The following PGBD5 variants were observed in gnomAD, a reference collection of about 807,000 sequenced individuals.
PGBD5 encodes the protein piggyBac transposable element-derived protein 5.
A neutral mutation model predicts 47.9 loss-of-function variants in PGBD5; 14 were observed. The ratio of observed to expected loss-of-function variants is 0.29; its 90% CI spans 0.19 to 0.46. The LOEUF (loss-of-function observed/expected upper bound fraction) is 0.46. Among genes scored for constraint, PGBD5 ranks in the 20% least tolerant of loss-of-function variants. The probability of loss-of-function intolerance (pLI) is 1.00; values close to 1 mark genes in which losing one functional copy is unlikely to be tolerated. For missense variants in PGBD5, 635 were observed against 716.0 expected, an observed-to-expected ratio of 0.89 and a Z score of 1.29; for synonymous variants, 316 against 306.3, an observed-to-expected ratio of 1.03 and a Z score of -0.33.
chr1:230,342,014 G>C (rs1667413731), intron 3 of PGBD5, among the ~76,000 whole-genome samples: 1 of 152,110 alleles, frequency 6.6e-6, no homozygotes, highest in East Asian at 1.9e-4. Context: ...CAACAAAAAG[G>C]ATCTTAGGAA....
chr1:230,337,344 C>T, intron 3 of PGBD5, 56 bp from the exon 4 acceptor site: 1 of 1,480,120 alleles, frequency 6.8e-7, no homozygotes, highest in Admixed American at 2.0e-5. Flanking sequence ...GGCTGGGAGC[C>T]CGAGTATTCA....
intron 1 of PGBD5, among the ~76,000 whole-genome samples, chr1:230,384,101 T>C (rs1405489087): frequency 6.6e-6 from 1 of 152,130 alleles, no homozygotes; most frequent in Non-Finnish European, 1.5e-5. Flanking sequence ...CCTGATTTCT[T>C]TGGGGGAATA....
At position 230,317,253 on chromosome 1, in the gene PGBD5, C is replaced by T. The variant is rs995812548; in HGVS notation, c.*6172G>A. On this transcript the variant is annotated 3_prime_UTR_variant, in exon 7 of 7. Coordinates refer to ENST00000391860, the MANE Select transcript of PGBD5 (RefSeq NM_001258311.2). ...TCTTAGCACAATGCCTGGCCTGTAG[C>T]AGTTCAGAAGCAGCAGTGGCTGAGA... is the stretch of plus-strand genomic sequence containing the variant. 9.2e-5 allele frequency: 14 copies of T among 152,486 alleles called. No individual in the cohort carries two copies. The highest frequency in any genetic ancestry group is 3.1e-4 in the African/African-American group (13 of 41,582). The allele number at this position is 152,486 out of a possible 1,614,324, so 9.4% of individuals were successfully genotyped here.
At chr1:230,416,934 C>T (rs771461722) in intron 1 of PGBD5, among the ~76,000 whole-genome samples, 3 of 152,156 alleles carry the variant, frequency 2.0e-5, no homozygotes, top group Non-Finnish European at 4.4e-5. Context: ...GAAAGCCCCA[C>T]CAGCCTGGCC....
At chr1:230,324,483 T>TGGGA (rs1342361573) in intron 6 of PGBD5, among the ~76,000 whole-genome samples, 1 of 152,042 alleles carries the variant, frequency 6.6e-6, no homozygotes, top group Non-Finnish European at 1.5e-5. Context: ...CCCCAAGGAG[T>TGGGA]GGGACTACCT....
At chr1:230,364,808 G>A (rs952527018) in intron 1 of PGBD5, among the ~76,000 whole-genome samples, 14 of 151,778 alleles carry the variant, frequency 9.2e-5, no homozygotes, top group African/African-American at 3.4e-4. Flanking sequence ...ATCACCTGAG[G>A]TCAGGAGTTC....
intron 1 of PGBD5, among the ~76,000 whole-genome samples, chr1:230,369,694 A>G (rs956481268): frequency 1.3e-5 from 2 of 152,164 alleles, no homozygotes; most frequent in Non-Finnish European, 1.5e-5. Context: ...GGAAGGGTCC[A>G]TGGGCAGGAT....
At chr1:230,342,502 G>A (rs1375682620) in intron 3 of PGBD5, among the ~76,000 whole-genome samples, 1 of 152,232 alleles carries the variant, frequency 6.6e-6, no homozygotes, top group Non-Finnish European at 1.5e-5. Context: ...GACGCAGAAT[G>A]AGATCACGGG....
In PGBD5 at chr1:230,357,381, C is replaced by T. The variant is rs1398586096; in HGVS notation, c.332-60G>A. 56 of 1,547,380 alleles carry T rather than the reference C, an allele frequency of 3.6e-5. No individual in the cohort carries two copies. The East Asian group carries it at 4.5e-4, about 13-fold the overall frequency. ...ACGGCCGCCACACCCTGACTCGACA[C>T]GAGAACGGCTGCATTTCCAATCCCT... On this transcript the variant is annotated intron_variant, in intron 1 of 6. Transcript: ENST00000391860. The surrounding 1 kb of genome is among the most constrained non-coding windows in gnomAD (Gnocchi z 5.7).
intron 3 of PGBD5, among the ~76,000 whole-genome samples, chr1:230,346,572 G>T (rs1667475610): frequency 6.6e-6 from 1 of 152,172 alleles, no homozygotes. Context: ...CATATCGCAA[G>T]ATTTCCTGAG....
rs1558192883 is a variant in PGBD5, at chr1:230,335,856, T to TGCGC, written c.1075+1251_1075+1252insGCGC. Among the ~76,000 whole-genome samples the TGCGC allele has an allele frequency of 2.1e-5, 2 of 96,376 alleles. 1 individual carries two copies. The highest frequency in any genetic ancestry group is 8.0e-5 in the African/African-American group (2 of 24,936). 63.2% of individuals were successfully genotyped at this position (96,376 alleles called of 152,430 possible). ...ACACATACACACACAGACACACAGATACACACACAGATGCATACACGGACA... is the reference window on the plus strand; with the variant it reads ...ACACATACACACACAGACACACAGATGCGCACACACACAGATGCATACACGGACA... On this transcript the variant is annotated intron_variant, in intron 4 of 6. Coordinates refer to ENST00000391860, the MANE Select transcript of PGBD5 (RefSeq NM_001258311.2).
chr1:230,315,786 GTATA>G lies in PGBD5; in HGVS notation c.*7635_*7638del, dbSNP rs1362492378. ...ATATATTATAGATGTATGCATATATGTATATATGTATACATATATGTATATGTGC... is the reference window on the plus strand; with the variant it reads ...ATATATTATAGATGTATGCATATATGTATGTATACATATATGTATATGTGC... On this transcript the variant is annotated 3_prime_UTR_variant, in exon 7 of 7. Coordinates refer to ENST00000391860, the MANE Select transcript of PGBD5 (RefSeq NM_001258311.2). 1.4e-5 allele frequency: 2 copies of G among 142,758 alleles called. No homozygotes were observed. Among genetic ancestry groups the G allele is most frequent in the Admixed American group, 1.4e-4 (2 of 13,876 alleles). The allele number at this position is 142,758 out of a possible 1,614,324, so 8.8% of individuals were successfully genotyped here.
At position 230,315,379 on chromosome 1, in the gene PGBD5, T is replaced by C. The variant is rs999718806; in HGVS notation, c.*8046A>G. On this transcript the variant is annotated 3_prime_UTR_variant, in exon 7 of 7. Coordinates refer to ENST00000391860, the MANE Select transcript of PGBD5 (RefSeq NM_001258311.2). ...TGGGATATGCACCCGGCGGTCCCCATTCAGCCCCGGGAGCCACTCGGATCA... is the reference window on the plus strand; with the variant it reads ...TGGGATATGCACCCGGCGGTCCCCACTCAGCCCCGGGAGCCACTCGGATCA... 3 of 138,748 alleles carry C rather than the reference T, an allele frequency of 2.2e-5. 1 individual carries two copies. Among genetic ancestry groups the C allele is most frequent in the Admixed American group, 1.4e-4 (2 of 14,490 alleles). The allele number at this position is 138,748 out of a possible 1,614,324, so 8.6% of individuals were successfully genotyped here. A position where few individuals can be genotyped will look rare whatever the true frequency, so the allele number is the denominator to read the frequency against.
At chr1:230,372,037 G>A (rs766732261) in intron 1 of PGBD5, among the ~76,000 whole-genome samples, 6 of 152,178 alleles carry the variant, frequency 3.9e-5, no homozygotes, top group Admixed American at 2.0e-4. Flanking sequence ...TCAGTGGCCC[G>A]TATCATCTAA....
At position 230,319,074 on chromosome 1, in the gene PGBD5, C is replaced by G. The variant is rs1240015251; in HGVS notation, c.*4351G>C. On this transcript the variant is annotated 3_prime_UTR_variant, in exon 7 of 7. Transcript: ENST00000391860. ...AGTCAGGGATAAAATCCCCCGTCCTCGTGATGAATCAGGACAGCCAGTGCC... is the reference window on the plus strand; with the variant it reads ...AGTCAGGGATAAAATCCCCCGTCCTGGTGATGAATCAGGACAGCCAGTGCC... 6.6e-6 allele frequency: 1 copy of G among 152,276 alleles called. No homozygotes were observed. 9.4% of individuals were successfully genotyped at this position (152,276 alleles called of 1,614,324 possible).
chr1:230,362,147 G>A, intron 1 of PGBD5: 1 of 1,200,162 alleles, frequency 8.3e-7, no homozygotes, highest in African/African-American at 1.6e-5. Flanking sequence ...AGCACCACGT[G>A]ACCATGCTCT....
chr1:230,393,877 G>T (rs1354050953), intron 1 of PGBD5, among the ~76,000 whole-genome samples: 1 of 150,542 alleles, frequency 6.6e-6, no homozygotes, highest in Non-Finnish European at 1.5e-5. Flanking sequence ...TCCACAGCCT[G>T]ATTAGAAACA....
At chr1:230,400,058 G>A (rs1020908398) in intron 1 of PGBD5, among the ~76,000 whole-genome samples, 8 of 152,204 alleles carry the variant, frequency 5.3e-5, no homozygotes, top group Admixed American at 3.3e-4. Context: ...CATTCAAAAT[G>A]CAAGCCAAGT....
chr1:230,425,082 T>C lies in PGBD5; in HGVS notation c.331+516A>G, dbSNP rs1657742653. Among the ~76,000 whole-genome samples the C allele has an allele frequency of 6.6e-6, 1 of 152,130 alleles. No homozygotes were observed. Among genetic ancestry groups the C allele is most frequent in the African/African-American group, 2.4e-5 (1 of 41,426 alleles). On this transcript the variant is annotated intron_variant, in intron 1 of 6. Coordinates refer to ENST00000391860, the MANE Select transcript of PGBD5 (RefSeq NM_001258311.2). This position sits in a 1 kb window ranked among gnomAD's most constrained non-coding sequence, Gnocchi z 4.7. ...AAGTTTCTCAGATTAAGGAGAAAAC[T>C]AAGCCAAGTCAAGACGCCGCGGGTG...
Sources: gnomAD v4.1 joint callset for allele counts (sites outside exome capture counted in the v4.1 genomes callset) on GRCh38, gnomAD v4.1.1 for gene constraint, Gnocchi (gnomAD v3.1) non-coding constraint, MANE v1.5 for transcripts, NCBI Gene and HGNC (gene_info 2026-07-23, HGNC 2026-07-21) for gene names.